IFT43: variants seen among roughly 807,000 people sequenced by gnomAD.
IFT43 encodes intraflagellar transport 43, also known as intraflagellar transport protein 43 homolog.
Under a neutral mutation model 32.3 loss-of-function variants are expected in IFT43, and 33 were observed. The observed-to-expected ratio is 1.02, with a 90% CI of 0.77 to 1.37. The LOEUF (loss-of-function observed/expected upper bound fraction) is 1.37. Among genes scored for constraint, IFT43 ranks in the 40% most tolerant of loss-of-function variants. IFT43 has a pLI of 0.00. For missense variants in IFT43, 274 were observed against 265.9 expected, an observed-to-expected ratio of 1.03 and a Z score of -0.21; for synonymous variants, 93 against 98.2, an observed-to-expected ratio of 0.95 and a Z score of 0.31.
intron 3 of IFT43, among the ~76,000 whole-genome samples, chr14:76,032,755 T>C (rs1057100935): frequency 6.6e-6 from 1 of 152,190 alleles, no homozygotes; most frequent in African/African-American, 2.4e-5. Flanking sequence ...GCTGAAAGGC[T>C]GGAAGACCTG....
At chr14:76,010,055 A>G (rs1370546143) in intron 2 of IFT43, among the ~76,000 whole-genome samples, 3 of 152,196 alleles carry the variant, frequency 2.0e-5, no homozygotes, top group African/African-American at 7.2e-5. Context: ...TCGGCCTCCC[A>G]AAGGCTGGGA....
At chr14:75,994,295 T>A (rs1291702766) in intron 2 of IFT43, among the ~76,000 whole-genome samples, 1 of 152,172 alleles carries the variant, frequency 6.6e-6, no homozygotes, top group African/African-American at 2.4e-5. Flanking sequence ...TAGGACGTGG[T>A]GCCAGTAGGA....
chr14:76,022,110 G>A (rs2036301930), intron 2 of IFT43, among the ~76,000 whole-genome samples: 1 of 152,174 alleles, frequency 6.6e-6, no homozygotes, highest in Non-Finnish European at 1.5e-5. Context: ...AATTAGCTGT[G>A]CGTGGTGGTG....
intron 3 of IFT43, among the ~76,000 whole-genome samples, chr14:76,054,823 C>T (rs2140042064): frequency 6.6e-6 from 1 of 152,308 alleles, no homozygotes; most frequent in Admixed American, 6.5e-5. Context: ...CAAGCCTCAT[C>T]GACAGCCTCA....
At chr14:75,991,376 A>ATAAATATTAACAAGAGTGTGTGTGTGT (rs1566694296) in intron 2 of IFT43, among the ~76,000 whole-genome samples, 17 of 137,310 alleles carry the variant, frequency 1.2e-4, no homozygotes, top group African/African-American at 4.6e-4. Flanking sequence ...TATATATATA[A>ATAAATATTAACAAGAGTGTGTGTGTGT]ATATTAACAA....
Position 76,028,181 on chromosome 14 carries a change from T to C in IFT43, c.215+5787T>C, listed in dbSNP as rs181596403. Among the ~76,000 whole-genome samples, 450 of 152,336 alleles carry C rather than the reference T, an allele frequency of 3.0e-3. 1 individual carries two copies. The highest frequency in any genetic ancestry group is 0.01 in the African/African-American group (430 of 41,568). On this transcript the variant is annotated intron_variant, in intron 3 of 8. Transcript: ENST00000314067. ...ATCACTTGGTCTAGGTGGTGACCAC[T>C]AGATCTCTCCATTGCAAAGGTTCTT...
At chr14:76,068,232 G>C (rs750433320) in intron 5 of IFT43, among the ~76,000 whole-genome samples, 1 of 152,204 alleles carries the variant, frequency 6.6e-6, no homozygotes, top group Non-Finnish European at 1.5e-5. Flanking sequence ...ATAAGAGTTG[G>C]CTAGCTAGAG....
intron 2 of IFT43, among the ~76,000 whole-genome samples, chr14:76,017,880 T>C (rs2036218176): frequency 6.6e-6 from 1 of 152,146 alleles, no homozygotes; most frequent in Non-Finnish European, 1.5e-5. Context: ...TGTATTTCTG[T>C]GGTATCAGTT....
At chr14:76,025,657 C>T (rs2036377732) in intron 3 of IFT43, among the ~76,000 whole-genome samples, 1 of 152,018 alleles carries the variant, frequency 6.6e-6, no homozygotes, top group South Asian at 2.1e-4. Flanking sequence ...AGACCATATA[C>T]CTGCAACTAT....
At chr14:76,009,843 G>A (rs2036047578) in intron 2 of IFT43, among the ~76,000 whole-genome samples, 1 of 151,764 alleles carries the variant, frequency 6.6e-6, no homozygotes, top group African/African-American at 2.4e-5. Context: ...CACCCAGGCT[G>A]GAGTGCAGTG....
intron 2 of IFT43, among the ~76,000 whole-genome samples, chr14:75,994,290 C>T (rs2035701462): frequency 6.6e-6 from 1 of 152,064 alleles, no homozygotes; most frequent in Non-Finnish European, 1.5e-5. Flanking sequence ...CCACTTAGGA[C>T]GTGGTGCCAG....
chr14:76,062,810 G>C (rs559100162), intron 5 of IFT43, among the ~76,000 whole-genome samples: 1 of 150,994 alleles, frequency 6.6e-6, no homozygotes, highest in East Asian at 2.0e-4. Flanking sequence ...CCAGCTACTC[G>C]GGAGGCTGAG....
chr14:75,999,274 TATATA>T lies in IFT43; in HGVS notation c.147+10298_147+10302del, dbSNP rs1481747266. Reference sequence around the variant, plus strand: ...ATATATATATATATATATATATATGTATATATATTTTTTTTTTTTTTTTTTTAATT... The same window carrying T: ...ATATATATATATATATATATATATGTTATTTTTTTTTTTTTTTTTTTAATT... On this transcript the variant is annotated intron_variant, in intron 2 of 8. Transcript: ENST00000314067. 6.0e-3 allele frequency among the ~76,000 whole-genome samples: 99 copies of T among 16,562 alleles called. 4 individuals carry two copies. Among genetic ancestry groups the T allele is most frequent in the East Asian group, 9.3e-3 (4 of 428 alleles). 10.9% of individuals were successfully genotyped at this position (16,562 alleles called of 152,430 possible). A position where few individuals can be genotyped will look rare whatever the true frequency, so the allele number is the denominator to read the frequency against.
chr14:76,074,439 C>A (rs2037377031), intron 5 of IFT43, among the ~76,000 whole-genome samples: 1 of 152,164 alleles, frequency 6.6e-6, no homozygotes, highest in African/African-American at 2.4e-5. Flanking sequence ...TTGACAGTAT[C>A]CAGCGGGCCA....
At chr14:76,042,265 A>AG (rs1174533527) in intron 3 of IFT43, among the ~76,000 whole-genome samples, 1 of 152,156 alleles carries the variant, frequency 6.6e-6, no homozygotes, top group East Asian at 1.9e-4. Context: ...AGTAAAAAAA[A>AG]AAAAAAAAGT....
intron 5 of IFT43, among the ~76,000 whole-genome samples, chr14:76,068,820 TTGA>T (rs1382371134): frequency 6.6e-6 from 1 of 152,212 alleles, no homozygotes; most frequent in East Asian, 1.9e-4. Context: ...TTACAACCCC[TTGA>T]TGAATATTGC....
chr14:76,016,578 T>C (rs2139940257), intron 2 of IFT43, among the ~76,000 whole-genome samples: 1 of 152,328 alleles, frequency 6.6e-6, no homozygotes, highest in East Asian at 1.9e-4. Flanking sequence ...GGTTGTTTTT[T>C]CTGTTTCTGT....
At chr14:76,030,839 A>G (rs2036497201) in intron 3 of IFT43, among the ~76,000 whole-genome samples, 1 of 151,850 alleles carries the variant, frequency 6.6e-6, no homozygotes, top group Non-Finnish European at 1.5e-5. Context: ...TTACTTTTGA[A>G]TATGTAGAAC....
chr14:76,059,507 A>G, intron 5 of IFT43, 134 bp downstream of exon 5: 1 of 819,958 alleles, frequency 1.2e-6, no homozygotes, highest in East Asian at 2.6e-5. Context: ...ATGCTGATGC[A>G]CATCTTCATG....
Sources: gnomAD v4.1 joint callset for allele counts (sites outside exome capture counted in the v4.1 genomes callset) on GRCh38, gnomAD v4.1.1 for gene constraint, MANE v1.5 for transcripts, NCBI Gene and HGNC (gene_info 2026-07-23, HGNC 2026-07-21) for gene names.